The following MOXD1 variants were observed in gnomAD, a reference collection of about 807,000 sequenced individuals.
The protein encoded by MOXD1 is DBH-like monooxygenase protein 1.
A neutral mutation model predicts 66.6 loss-of-function variants in MOXD1; 62 were observed. The observed-to-expected ratio is 0.93, with a 90% CI of 0.76 to 1.15. The LOEUF is 1.15. Among genes scored for constraint, MOXD1 ranks in the 50% most tolerant of loss-of-function variants. The pLI, the probability that MOXD1 is intolerant of heterozygous loss-of-function variation, is 0.00. For synonymous variants in MOXD1, 303 were observed against 281.9 expected, an observed-to-expected ratio of 1.07 and a Z score of -0.75; for missense variants, 847 against 754.6, an observed-to-expected ratio of 1.12 and a Z score of -1.44.
intron 10 of MOXD1, among the ~76,000 whole-genome samples, chr6:132,300,349 G>T (rs1255809323): frequency 6.6e-6 from 1 of 152,138 alleles, no homozygotes; most frequent in Admixed American, 6.5e-5. Flanking sequence ...TGCATACAAT[G>T]TCCTTTTAAA....
intron 1 of MOXD1, among the ~76,000 whole-genome samples, chr6:132,383,995 G>A (rs147158757): frequency 0.021 from 3,151 of 152,158 alleles, 59 homozygotes; most frequent in South Asian, 0.058. Flanking sequence ...ACTTGAACCC[G>A]GGAGGTGGAG....
Position 132,315,722 on chromosome 6 carries a change from C to A in MOXD1, c.1421G>T (p.Arg474Ile), listed in dbSNP as rs1286558079. The change falls in exon 10 of 12, where the codon AGA becomes ATA. Residue 474 changes from arginine (R) to isoleucine (I), a missense_variant. Coordinates refer to ENST00000367963, the MANE Select transcript of MOXD1 (RefSeq NM_015529.4). ...MCLSYLLYYP[R>I]INLTRCASIP... ...ACTTGCACATCGAGTAAGATTAATT[C>A]TTGGGTAATAAAGAAGGTATGAGAG... The A allele has an allele frequency of 8.7e-6, 14 of 1,613,224 alleles. No individual in the cohort carries two copies. The highest frequency in any genetic ancestry group is 1.2e-5 in the Non-Finnish European group (14 of 1,179,484).
intron 4 of MOXD1, among the ~76,000 whole-genome samples, chr6:132,348,482 G>GT (rs1239771440): frequency 6.6e-6 from 1 of 152,030 alleles, no homozygotes; most frequent in Non-Finnish European, 1.5e-5. Context: ...AGTCTGATTT[G>GT]TTTTTTTCCC....
chr6:132,365,994 C>A (rs995347868), intron 4 of MOXD1, among the ~76,000 whole-genome samples: 1 of 152,028 alleles, frequency 6.6e-6, no homozygotes, highest in Non-Finnish European at 1.5e-5. Context: ...CATTGTAACA[C>A]AAATTATTAA....
intron 1 of MOXD1, among the ~76,000 whole-genome samples, chr6:132,395,504 A>T (rs1279512039): frequency 1.3e-5 from 2 of 152,172 alleles, no homozygotes; most frequent in Non-Finnish European, 2.9e-5. Context: ...CAGTTAATAA[A>T]ATAAGAAGAA....
chr6:132,375,576 C>T (rs548632236), intron 1 of MOXD1, among the ~76,000 whole-genome samples: 1 of 152,256 alleles, frequency 6.6e-6, no homozygotes, highest in South Asian at 2.1e-4. Flanking sequence ...CAGGTGCCCA[C>T]CGCCACGCCT....
At chr6:132,376,501 CTTTTTTTT>C (rs1166086289) in intron 1 of MOXD1, among the ~76,000 whole-genome samples, 21 of 65,358 alleles carry the variant, frequency 3.2e-4, no homozygotes, top group South Asian at 2.5e-3. Context: ...ACTACAGCTT[CTTTTTTTT>C]TTTTTTTTTT....
At chr6:132,373,127 T>C (rs1582600839) in intron 2 of MOXD1, 130 bp from the exon 3 acceptor site, 1 of 852,376 alleles carries the variant, frequency 1.2e-6, no homozygotes. Context: ...TTTGGAGTTA[T>C]CAACATGGTC....
intron 10 of MOXD1, among the ~76,000 whole-genome samples, chr6:132,299,706 A>T (rs1569520): frequency 2.0e-5 from 3 of 151,900 alleles, no homozygotes; most frequent in Admixed American, 6.6e-5. Context: ...AAGTGCTGGC[A>T]TGTCACAAAA....
At chr6:132,377,540 T>G (rs1776418785) in intron 1 of MOXD1, among the ~76,000 whole-genome samples, 1 of 152,230 alleles carries the variant, frequency 6.6e-6, no homozygotes, top group Non-Finnish European at 1.5e-5. Flanking sequence ...TCCTTCCAGC[T>G]ATTCCACCTT....
At chr6:132,397,632 G>GAA (rs1417347472) in intron 1 of MOXD1, among the ~76,000 whole-genome samples, 2 of 109,092 alleles carry the variant, frequency 1.8e-5, no homozygotes, top group East Asian at 2.2e-4. Flanking sequence ...GAGAGAGAGA[G>GAA]AGACAGAAAG....
chr6:132,329,489 C>T (rs1200690565), intron 4 of MOXD1, among the ~76,000 whole-genome samples: 1 of 151,900 alleles, frequency 6.6e-6, no homozygotes, highest in African/African-American at 2.4e-5. Flanking sequence ...GAAGTCAAGG[C>T]TGTGGGCACA....
At chr6:132,312,006 C>T (rs1228468603) in intron 10 of MOXD1, among the ~76,000 whole-genome samples, 1 of 151,694 alleles carries the variant, frequency 6.6e-6, no homozygotes, top group Non-Finnish European at 1.5e-5. Flanking sequence ...AGGAACTATC[C>T]ATTACTTACA....
Position 132,331,602 on chromosome 6 carries a change from A to C in MOXD1, c.664-3008T>G, listed in dbSNP as rs149101309. On this transcript the variant is annotated intron_variant, in intron 4 of 11. Transcript: ENST00000367963. ...CATCTGTCTTTTATTTAGACCTACT[A>C]TCTACTAGCCACATATGAATCATTC... Among the ~76,000 whole-genome samples the C allele has an allele frequency of 2.1e-3, 324 of 152,272 alleles. 1 individual carries two copies. The highest frequency in any genetic ancestry group is 7.6e-3 in the African/African-American group (316 of 41,560).
intron 4 of MOXD1, among the ~76,000 whole-genome samples, chr6:132,352,102 TG>T (rs1458497892): frequency 6.6e-6 from 1 of 152,166 alleles, no homozygotes; most frequent in Non-Finnish European, 1.5e-5. Context: ...TGTTTTGTAT[TG>T]TTTTTTGTTT....
chr6:132,333,439 A>G (rs1005613844), intron 4 of MOXD1, among the ~76,000 whole-genome samples: 11 of 152,000 alleles, frequency 7.2e-5, no homozygotes, highest in Non-Finnish European at 1.6e-4. Flanking sequence ...TATTATCACA[A>G]TCACAGGGGG....
chr6:132,340,437 CTTTCT>C (rs1455150469), intron 4 of MOXD1, among the ~76,000 whole-genome samples: 7 of 127,508 alleles, frequency 5.5e-5, no homozygotes, highest in Admixed American at 1.6e-4. Context: ...GCAAGCAACA[CTTTCT>C]TTTTTTTTTT....
At chr6:132,386,326 C>T (rs1250373632) in intron 1 of MOXD1, among the ~76,000 whole-genome samples, 1 of 148,646 alleles carries the variant, frequency 6.7e-6, no homozygotes, top group Non-Finnish European at 1.5e-5. Context: ...GGCGTGAACC[C>T]GGGAGGCGGA....
chr6:132,395,382 T>C (rs1485267748), intron 1 of MOXD1, among the ~76,000 whole-genome samples: 2 of 151,202 alleles, frequency 1.3e-5, no homozygotes, highest in Non-Finnish European at 3.0e-5. Context: ...AGAGCAAACA[T>C]ACAAAGAAGG....
Sources: allele counts gnomAD v4.1 joint callset (sites outside exome capture counted in the v4.1 genomes callset), GRCh38; gene constraint gnomAD v4.1.1; transcripts MANE v1.5; gene names NCBI Gene and HGNC (gene_info 2026-07-23, HGNC 2026-07-21).